Variants in AGRN observed in about 807,000 individuals in gnomAD.
The protein encoded by AGRN is agrin proteoglycan.
A neutral mutation model predicts 211.0 loss-of-function variants in AGRN; 106 were observed. The observed-to-expected ratio is 0.50, with a 90% CI of 0.43 to 0.59. The LOEUF (loss-of-function observed/expected upper bound fraction) is 0.59, where lower values mean the gene tolerates loss of function less well. Among genes scored for constraint, AGRN ranks in the 20% least tolerant of loss-of-function variants. AGRN has a pLI of 0.00. For missense variants in AGRN, 3,040 were observed against 2,982.6 expected, an observed-to-expected ratio of 1.02 and a Z score of -0.45; for synonymous variants, 1,525 against 1,332.5, an observed-to-expected ratio of 1.14 and a Z score of -3.15.
At position 1,043,265 on chromosome 1, in the gene AGRN, G is replaced by A. The variant is rs148949051; in HGVS notation, c.1411G>A (p.Val471Met). Residue 471 changes from valine to methionine, a missense_variant, in exon 8 of 36, where the codon GTG (valine) becomes ATG (methionine). By Grantham distance (21) the Val-to-Met change is conservative. Transcript: ENST00000379370. ...CDQAPSPCLG[V>M]QCAFGATCAV... Reference sequence around the variant, plus strand: ...CCAGGCCCCGTCCCCATGCCTCGGGGTGCAGTGTGCATTTGGGGCGACGTG... The same window carrying A: ...CCAGGCCCCGTCCCCATGCCTCGGGATGCAGTGTGCATTTGGGGCGACGTG... The A allele has an allele frequency of 2.0e-4, 329 of 1,610,562 alleles. No homozygotes were observed. Among genetic ancestry groups the A allele is most frequent in the Non-Finnish European group, 2.5e-4 (291 of 1,179,158 alleles).
rs111935842 is a variant in AGRN at position 1,026,839 on chromosome 1, C to T, written c.463+4377C>T. ...GCTGAGATATCACCCCATGGACAGT[C>T]GCCCGCTGGAGGAGGAGGCTCTGTA... is the stretch of plus-strand genomic sequence containing the variant. On this transcript the variant is annotated intron_variant, in intron 2 of 35. Coordinates refer to ENST00000379370, the MANE Select transcript of AGRN (RefSeq NM_198576.4). Among the ~76,000 whole-genome samples the T allele has an allele frequency of 2.8e-3, 429 of 152,310 alleles. 1 individual carries two copies. Among genetic ancestry groups the T allele is most frequent in the African/African-American group, 9.7e-3 (404 of 41,570 alleles).
intron 2 of AGRN, among the ~76,000 whole-genome samples, chr1:1,030,260 CGTGT>C (rs201369042): frequency 5.4e-5 from 3 of 55,830 alleles, no homozygotes; most frequent in Admixed American, 2.2e-4. Context: ...GTGAGATCAG[CGTGT>C]GTGTGTGTGC....
intron 3 of AGRN, among the ~76,000 whole-genome samples, chr1:1,037,435 C>G (rs1396980446): frequency 6.6e-6 from 1 of 152,204 alleles, no homozygotes; most frequent in Admixed American, 6.5e-5. Flanking sequence ...TAGTTACGGG[C>G]CAGAGCTCAC....
intron 33 of AGRN, chr1:1,052,120 G>T (rs528610085): frequency 9.1e-6 from 12 of 1,321,120 alleles, no homozygotes; most frequent in Non-Finnish European, 1.2e-5. Context: ...CATCCCTTGT[G>T]GCGGAGGATG....
chr1:1,055,356 T>G lies in AGRN; in HGVS notation c.*375T>G. 3 of 360,578 alleles carry G rather than the reference T, an allele frequency of 8.3e-6. No homozygotes were observed. The highest frequency in any genetic ancestry group is 1.6e-5 in the Non-Finnish European group (3 of 184,456). 22.3% of individuals were successfully genotyped at this position (360,578 alleles called of 1,614,324 possible). On this transcript the variant is annotated 3_prime_UTR_variant, in exon 36 of 36. Coordinates refer to ENST00000379370, the MANE Select transcript of AGRN (RefSeq NM_198576.4). ...GGGCTGCTGAGGTCTGATGGGGCCC[T>G]TCCTCCGGGTGACCCCACAGGGCCT...
At chr1:1,034,564 G>A in intron 2 of AGRN, 2 of 986,512 alleles carry the variant, frequency 2.0e-6, no homozygotes, top group South Asian at 4.7e-5. Flanking sequence ...CCATGCCTCC[G>A]CTGCCGCTGG....
At chr1:1,052,003 A>G in intron 33 of AGRN, 188 bp downstream of exon 33, 2 of 1,539,450 alleles carry the variant, frequency 1.3e-6, no homozygotes, top group Non-Finnish European at 1.8e-6. Context: ...CGAACTGGCC[A>G]ATGAGATCCC....
At position 1,048,939 on chromosome 1, in the gene AGRN, C is replaced by T. The variant is rs766462843; in HGVS notation, c.4178C>T (p.Thr1393Met). ...LAFPTLRAYH[T>M]LRLALEFRAL... ...TTCCCCACTCTCCGCGCCTACCACACGCTGCGCCTGGCACTGGAATTCCGG... is the reference window on the plus strand; with the variant it reads ...TTCCCCACTCTCCGCGCCTACCACATGCTGCGCCTGGCACTGGAATTCCGG... The change falls in exon 24 of 36, where the codon ACG (threonine) becomes ATG (methionine). Residue 1393 changes from threonine to methionine, a missense_variant. Transcript: ENST00000379370. This position sits in a 1 kb window ranked among gnomAD's most constrained non-coding sequence, Gnocchi z 5.9. The T allele has an allele frequency of 7.8e-5, 122 of 1,565,556 alleles. No individual in the cohort carries two copies. Among genetic ancestry groups the T allele is most frequent in the African/African-American group, 9.5e-5 (7 of 73,714 alleles).
At position 1,054,937 on chromosome 1, in the gene AGRN, G is replaced by A. The variant is rs1645413121; in HGVS notation, c.6094G>A (p.Asp2032Asn). 3 of 1,548,914 alleles carry A rather than the reference G, an allele frequency of 1.9e-6. No homozygotes were observed. Among genetic ancestry groups the A allele is most frequent in the Admixed American group, 2.0e-5 (1 of 51,142 alleles). The change falls in exon 36 of 36, where the codon GAC (aspartate) becomes AAC (asparagine). Residue 2032 changes from aspartate (D) to asparagine (N), a missense_variant. Asp to Asn is a conservative substitution (Grantham distance 23, BLOSUM62 1). Transcript: ENST00000379370. ...VGRHPLHLLE[D>N]AVTKPELRPC... ...CCGGCACCCGCTGCACCTGCTGGAG[G>A]ACGCCGTCACCAAGCCAGAGCTGCG...
At position 1,051,223 on chromosome 1, in the gene AGRN, T is replaced by C. The variant is rs375061266; in HGVS notation, c.5254-30T>C. The C allele has an allele frequency of 1.5e-4, 232 of 1,571,568 alleles. 1 individual carries two copies. The African/African-American group carries it at 2.7e-3, about 19-fold the overall frequency. On this transcript the variant is annotated intron_variant, in intron 30 of 35. Transcript: ENST00000379370. ...CTGGGTCTGCACCGTGGGTGGGCTC[T>C]GCACAGCCACTTACCTGGCGTCCCC...
intron 12 of AGRN, 111 bp from the exon 13 acceptor site, chr1:1,045,050 G>A (rs1339363984): frequency 8.2e-7 from 1 of 1,219,948 alleles, no homozygotes; most frequent in Non-Finnish European, 1.2e-6. Flanking sequence ...CTGGGAGCTG[G>A]GATCGGGACG....
At chr1:1,050,101 G>A (rs1006066478) in intron 27 of AGRN, 64 bp downstream of exon 27, 5 of 1,569,584 alleles carry the variant, frequency 3.2e-6, no homozygotes, top group Middle Eastern at 2.2e-4. Context: ...GCGGGTACAG[G>A]TTCCAGGTAG....
At chr1:1,021,931 C>T (rs1449411358) in intron 1 of AGRN, among the ~76,000 whole-genome samples, 7 of 152,208 alleles carry the variant, frequency 4.6e-5, no homozygotes, top group Non-Finnish European at 1.0e-4. Context: ...CTGATAGGGA[C>T]GTTATTGGAG....
rs373699293 is a variant in AGRN, at chr1:1,055,005, G to A, written c.*24G>A. The A allele has an allele frequency of 1.6e-4, 246 of 1,545,782 alleles. 1 individual carries two copies. The African/African-American group carries it at 1.7e-3, about 11-fold the overall frequency. Reference sequence around the variant, plus strand: ...GAGCTGGCACCAGAGCCCCGCGCCCGCTGTAATTATTTTCTATTTTTGTAA... The same window carrying A: ...GAGCTGGCACCAGAGCCCCGCGCCCACTGTAATTATTTTCTATTTTTGTAA... On this transcript the variant is annotated 3_prime_UTR_variant, in exon 36 of 36. Transcript: ENST00000379370.
intron 3 of AGRN, among the ~76,000 whole-genome samples, chr1:1,037,653 C>T (rs920369776): frequency 6.6e-6 from 1 of 152,158 alleles, no homozygotes; most frequent in Non-Finnish European, 1.5e-5. Flanking sequence ...TGGCAGGACC[C>T]CCAAAAATGA....
At position 1,053,824 on chromosome 1, in the gene AGRN, G is replaced by T. The variant is rs1461318142; in HGVS notation, c.5723G>T (p.Trp1908Leu). Residue 1908 changes from tryptophan (W) to leucine (L), a missense_variant, in exon 34 of 36, where the codon TGG becomes TTG. Coordinates refer to ENST00000379370, the MANE Select transcript of AGRN (RefSeq NM_198576.4). ...GAGGCCACGCAGGGGCTGGTGCTCT[G>T]GAGTGGCAAGGCCACGGAGCGGGCA... is the stretch of plus-strand genomic sequence containing the variant. Reference protein sequence around the residue: ...RTEATQGLVLWSGKATERADY... With the variant: ...RTEATQGLVLLSGKATERADY... 1 of 1,611,050 alleles carries T rather than the reference G, an allele frequency of 6.2e-7. No individual in the cohort carries two copies. The highest frequency in any genetic ancestry group is 2.2e-5 in the East Asian group (1 of 44,794).
intron 30 of AGRN, 88 bp from the exon 31 acceptor site, chr1:1,051,165 C>T (rs1182811285): frequency 2.1e-5 from 10 of 482,216 alleles, no homozygotes; most frequent in East Asian, 6.4e-5. Context: ...AGGCAATGGG[C>T]GGGTGGGGCG....
At position 1,047,664 on chromosome 1, in the gene AGRN, T is replaced by C. The variant is rs747595220; in HGVS notation, c.3608T>C (p.Ile1203Thr). ...DLGPGKSVRA[I>T]VDVHFDPTTA... ...GGGCCCGGCAAATCCGTCCGCGCCA[T>C]TGTGGATGTGCACTTTGACCCCAGT... is the stretch of plus-strand genomic sequence containing the variant. Residue 1203 changes from isoleucine (I) to threonine (T), a missense_variant, in exon 21 of 36, where the codon ATT becomes ACT. Around this residue, in one of 3 missense-constraint regions of AGRN, gnomAD observed 1,537 missense variants for 1,505.0 expected, o/e 1.02. Coordinates refer to ENST00000379370, the MANE Select transcript of AGRN (RefSeq NM_198576.4). 1.1e-5 allele frequency: 18 copies of C among 1,613,034 alleles called. No individual in the cohort carries two copies. Among genetic ancestry groups the C allele is most frequent in the Middle Eastern group, 3.3e-4 (2 of 6,062 alleles).
rs1470465166 is a variant in AGRN at position 1,048,569 on chromosome 1, G to A, written c.4105+204G>A. Reference sequence around the variant, plus strand: ...GCGGATCACCTGAGGTCGGGAGTTCGAGACCAGCCTGACCAACATGGAGAC... The same window carrying A: ...GCGGATCACCTGAGGTCGGGAGTTCAAGACCAGCCTGACCAACATGGAGAC... On this transcript the variant is annotated intron_variant, in intron 23 of 35. Transcript: ENST00000379370. The surrounding 1 kb of genome is among the most constrained non-coding windows in gnomAD (Gnocchi z 5.9). 1.0e-5 allele frequency: 6 copies of A among 594,566 alleles called. No homozygotes were observed. Among genetic ancestry groups the A allele is most frequent in the African/African-American group, 3.8e-5 (2 of 52,814 alleles). 36.8% of individuals were successfully genotyped at this position (594,566 alleles called of 1,614,324 possible). A position where few individuals can be genotyped will look rare whatever the true frequency, so the allele number is the denominator to read the frequency against.
Sources: gnomAD v4.1 joint callset for allele counts (sites outside exome capture counted in the v4.1 genomes callset) on GRCh38, gnomAD v4.1.1 for gene constraint, gnomAD v4.1.1 regional missense constraint, Gnocchi (gnomAD v3.1) non-coding constraint, MANE v1.5 for transcripts, NCBI Gene and HGNC (gene_info 2026-07-23, HGNC 2026-07-21) for gene names.